The following PCDHGB3 variants were observed in gnomAD, a reference collection of about 807,000 sequenced individuals.
The protein encoded by PCDHGB3 is protocadherin gamma subfamily B, 3.
In PCDHGB3, 40 loss-of-function variants were observed where a neutral mutation model predicts 59.2. The ratio of observed to expected loss-of-function variants is 0.68; its 90% confidence interval spans 0.52 to 0.88. The LOEUF (loss-of-function observed/expected upper bound fraction) is 0.88, where lower values mean the gene tolerates loss of function less well. Ranked by LOEUF, PCDHGB3 falls within the 40% of genes least tolerant of loss-of-function variation. The pLI, the probability that PCDHGB3 is intolerant of heterozygous loss-of-function variation, is 0.00. For missense variants in PCDHGB3, 1,309 were observed against 1,187.9 expected, an observed-to-expected ratio of 1.10 and a Z score of -1.50; for synonymous variants, 581 against 503.6, an observed-to-expected ratio of 1.15 and a Z score of -2.06.
At chr5:141,474,156 A>T (rs1387216017) in intron 1 of PCDHGB3, among the ~76,000 whole-genome samples, 1 of 152,244 alleles carries the variant, frequency 6.6e-6, no homozygotes, top group Non-Finnish European at 1.5e-5. Context: ...CAAGAAAATG[A>T]CAGGCCTTAT....
chr5:141,487,688 G>T lies in PCDHGB3; in HGVS notation c.2416-7119G>T, dbSNP rs376927186. ...AGGCATATGGCTAGGCCATGTCCTAGAGAGTACTGGCCTCTCAGTAAGTGC... is the reference window on the plus strand; with the variant it reads ...AGGCATATGGCTAGGCCATGTCCTATAGAGTACTGGCCTCTCAGTAAGTGC... On this transcript the variant is annotated intron_variant, in intron 1 of 3. Coordinates refer to ENST00000576222, the MANE Select transcript of PCDHGB3 (RefSeq NM_018924.5). The surrounding 1 kb of genome is among the most constrained non-coding windows in gnomAD (Gnocchi z 5.0). 1.2e-6 allele frequency: 2 copies of T among 1,604,966 alleles called. No individual in the cohort carries two copies.
intron 1 of PCDHGB3, chr5:141,430,576 T>G (rs767759432): frequency 3.3e-5 from 15 of 459,492 alleles, no homozygotes; most frequent in Non-Finnish European, 5.5e-5. Flanking sequence ...AAAGCGGAGA[T>G]CCTGCTCGCC....
intron 1 of PCDHGB3, chr5:141,392,664 C>CT (rs530587453): frequency 1.2e-6 from 1 of 817,260 alleles, no homozygotes; most frequent in South Asian, 2.1e-5. Flanking sequence ...ATGCCACAAA[C>CT]TAACTGCTGG....
At chr5:141,510,850 G>A in intron 3 of PCDHGB3, 97 bp from the exon 4 acceptor site, 4 of 1,599,444 alleles carry the variant, frequency 2.5e-6, no homozygotes, top group South Asian at 1.1e-5. Context: ...AAGGCCCAGG[G>A]TGCTGTATAG....
chr5:141,399,576 C>G, intron 1 of PCDHGB3: 1 of 1,614,028 alleles, frequency 6.2e-7, no homozygotes, highest in South Asian at 1.1e-5. Flanking sequence ...ACGGCCAAGT[C>G]TCCTACTCTA....
chr5:141,472,623 TAA>T (rs2099291037), intron 1 of PCDHGB3, among the ~76,000 whole-genome samples: 1 of 152,018 alleles, frequency 6.6e-6, no homozygotes, highest in Non-Finnish European at 1.5e-5. Context: ...AGAAAAAAGA[TAA>T]AGACTGGGAA....
At chr5:141,408,248 G>A in intron 1 of PCDHGB3, 1 of 1,593,412 alleles carries the variant, frequency 6.3e-7, no homozygotes, top group East Asian at 2.3e-5. Context: ...CCCGCGGCAG[G>A]TGCTATTTCC....
chr5:141,376,609 C>A, intron 1 of PCDHGB3: 3 of 1,478,318 alleles, frequency 2.0e-6, no homozygotes, highest in Non-Finnish European at 2.8e-6. Flanking sequence ...AGAAGCGAAC[C>A]TCTTTTGGTA....
At chr5:141,404,707 C>G in intron 1 of PCDHGB3, 1 of 1,614,122 alleles carries the variant, frequency 6.2e-7, no homozygotes, top group Non-Finnish European at 8.5e-7. Context: ...CAGAGCCTGG[C>G]TACCTGGTGA....
In PCDHGB3 at chr5:141,486,581, C is replaced by T; in HGVS notation, c.2416-8226C>T. 1 of 1,613,764 alleles carries T rather than the reference C, an allele frequency of 6.2e-7. No individual in the cohort carries two copies. The highest frequency in any genetic ancestry group is 1.1e-5 in the South Asian group (1 of 91,082). On this transcript the variant is annotated intron_variant, in intron 1 of 3. Coordinates refer to ENST00000576222, the MANE Select transcript of PCDHGB3 (RefSeq NM_018924.5). This position sits in a 1 kb window ranked among gnomAD's most constrained non-coding sequence, Gnocchi z 5.0. ...GGTGTTTGTTCCTGAGAACAATCGC[C>T]CAGGGGACCTGCTTTGCTCCCTTGC... is the stretch of plus-strand genomic sequence containing the variant.
chr5:141,500,520 T>TA (rs2099801149), intron 2 of PCDHGB3, among the ~76,000 whole-genome samples: 2 of 152,312 alleles, frequency 1.3e-5, no homozygotes, highest in Admixed American at 1.3e-4. Flanking sequence ...AGCTTCATTT[T>TA]AAAAAAATCT....
rs1161697588 is a variant in PCDHGB3, at chr5:141,491,464, T to C, written c.2416-3343T>C. 7 of 1,613,982 alleles carry C rather than the reference T, an allele frequency of 4.3e-6. No homozygotes were observed. In the African/African-American group the frequency reaches 9.3e-5, roughly 22 times the overall value. On this transcript the variant is annotated intron_variant, in intron 1 of 3. Transcript: ENST00000576222. This position sits in a 1 kb window ranked among gnomAD's most constrained non-coding sequence, Gnocchi z 6.9. ...CCAGGACTCACCCTCCCCGGACTTCTATAAGCAGTCCAGCCCCAACCTGCA... is the reference window on the plus strand; with the variant it reads ...CCAGGACTCACCCTCCCCGGACTTCCATAAGCAGTCCAGCCCCAACCTGCA...
At chr5:141,399,625 T>C (rs1270466401) in intron 1 of PCDHGB3, 9 of 1,613,796 alleles carry the variant, frequency 5.6e-6, no homozygotes, top group African/African-American at 1.3e-5. Context: ...ACTGGCCTCT[T>C]ACGTGTCCAT....
chr5:141,389,838 C>T (rs1156714079), intron 1 of PCDHGB3: 3 of 1,614,028 alleles, frequency 1.9e-6, no homozygotes, highest in Non-Finnish European at 2.5e-6. Context: ...ACAGCCACCA[C>T]TCTCGGCCAC....
intron 1 of PCDHGB3, chr5:141,409,727 G>A (rs1000014772): frequency 6.2e-7 from 1 of 1,613,158 alleles, no homozygotes; most frequent in South Asian, 1.1e-5. Context: ...GTCAGTGAGC[G>A]CGCAGAGCGG....
intron 1 of PCDHGB3, chr5:141,415,740 G>GTTTTTTTTTTTTTTTTTTT (rs57426385): frequency 1.1e-5 from 7 of 625,046 alleles, no homozygotes; most frequent in Admixed American, 7.1e-5. Context: ...GTTTATTAAG[G>GTTTTTTTTTTTTTTTTTTT]TTTTTTTTTT....
intron 1 of PCDHGB3, among the ~76,000 whole-genome samples, chr5:141,381,748 T>C (rs1252356879): frequency 6.6e-6 from 1 of 152,130 alleles, no homozygotes; most frequent in Non-Finnish European, 1.5e-5. Context: ...GATTCCGACA[T>C]TGTTCTACTA....
rs2093964070 is a variant in PCDHGB3, at chr5:141,400,115, G to A, written c.2415+27306G>A. On this transcript the variant is annotated intron_variant, in intron 1 of 3. Coordinates refer to ENST00000576222, the MANE Select transcript of PCDHGB3 (RefSeq NM_018924.5). ...ACGCTGCACTTGGTCTTTGCTGACA[G>A]CTTGCAGGAGGTGCTGCCGGATATC... The A allele has an allele frequency of 1.9e-6, 3 of 1,613,966 alleles. No individual in the cohort carries two copies. The African/African-American group carries it at 4.0e-5, about 22-fold the overall frequency.
At chr5:141,384,834 C>G (rs369584315) in intron 1 of PCDHGB3, 2 of 1,613,478 alleles carry the variant, frequency 1.2e-6, no homozygotes, top group Non-Finnish European at 1.7e-6. Flanking sequence ...TCGTGGTGGC[C>G]GTCCAGGACC....
Sources: gnomAD v4.1 joint callset for allele counts (sites outside exome capture counted in the v4.1 genomes callset) on GRCh38, gnomAD v4.1.1 for gene constraint, Gnocchi (gnomAD v3.1) non-coding constraint, MANE v1.5 for transcripts, NCBI Gene and HGNC (gene_info 2026-07-23, HGNC 2026-07-21) for gene names.